The following CHST11 variants were observed in gnomAD, a reference collection of about 807,000 sequenced individuals.
CHST11 encodes C4S-1.
A neutral mutation model predicts 30.4 loss-of-function variants in CHST11; 9 were observed. That is an observed-to-expected ratio of 0.30 (90% CI 0.18 to 0.52). The LOEUF (loss-of-function observed/expected upper bound fraction) is 0.52, where lower values mean the gene tolerates loss of function less well. Among genes scored for constraint, CHST11 ranks in the 20% least tolerant of loss-of-function variants. The pLI is 0.97. For synonymous variants in CHST11, 152 were observed against 187.8 expected, an observed-to-expected ratio of 0.81 and a Z score of 1.56; for missense variants, 348 against 460.6, an observed-to-expected ratio of 0.76 and a Z score of 2.24.
intron 1 of CHST11, among the ~76,000 whole-genome samples, chr12:104,512,700 A>G (rs865902130): frequency 6.6e-6 from 1 of 152,168 alleles, no homozygotes; most frequent in Non-Finnish European, 1.5e-5. Flanking sequence ...GATGAAAAGT[A>G]TTTTTTAGGG....
At chr12:104,460,575 A>C (rs952420139) in intron 1 of CHST11, among the ~76,000 whole-genome samples, 57 of 151,892 alleles carry the variant, frequency 3.8e-4, no homozygotes, top group African/African-American at 1.4e-3. Context: ...GAGGCATGAG[A>C]ATAGCATGAA....
intron 1 of CHST11, among the ~76,000 whole-genome samples, chr12:104,568,828 A>C (rs1321766389): frequency 6.6e-6 from 1 of 152,206 alleles, no homozygotes; most frequent in Admixed American, 6.5e-5. Context: ...GTTCTTAACC[A>C]CTATTTTATA....
At chr12:104,593,932 G>C (rs1197641658) in intron 1 of CHST11, among the ~76,000 whole-genome samples, 1 of 152,168 alleles carries the variant, frequency 6.6e-6, no homozygotes, top group Non-Finnish European at 1.5e-5. Context: ...AAACCACTTT[G>C]AGGAAGCATT....
At chr12:104,560,332 T>G (rs1291671206) in intron 1 of CHST11, among the ~76,000 whole-genome samples, 1 of 152,200 alleles carries the variant, frequency 6.6e-6, no homozygotes, top group African/African-American at 2.4e-5. Flanking sequence ...TACCTTCTGC[T>G]CATAGATAGA....
chr12:104,750,464 CTG>C (rs2040422339), intron 2 of CHST11, among the ~76,000 whole-genome samples: 1 of 31,858 alleles, frequency 3.1e-5, no homozygotes, highest in Non-Finnish European at 5.9e-5. Flanking sequence ...TTTGTTGAGA[CTG>C]AGTCTCGCTC....
chr12:104,545,252 G>A (rs1157104365), intron 1 of CHST11, among the ~76,000 whole-genome samples: 6 of 152,222 alleles, frequency 3.9e-5, no homozygotes, highest in Admixed American at 3.3e-4. Flanking sequence ...GGAATGGCCC[G>A]TTTGAGGGTG....
intron 1 of CHST11, among the ~76,000 whole-genome samples, chr12:104,563,273 A>G (rs1758047173): frequency 1.3e-5 from 2 of 152,062 alleles, no homozygotes; most frequent in South Asian, 4.2e-4. Context: ...CCTGACCTCA[A>G]GTGATCCGCC....
At chr12:104,526,699 T>C (rs950815004) in intron 1 of CHST11, among the ~76,000 whole-genome samples, 1 of 152,184 alleles carries the variant, frequency 6.6e-6, no homozygotes, top group Non-Finnish European at 1.5e-5. Context: ...TTGTTTTTAT[T>C]TGTGCTCCTC....
chr12:104,559,685 G>T (rs150263351), intron 1 of CHST11, among the ~76,000 whole-genome samples: 2,258 of 152,308 alleles, frequency 0.015, 108 homozygotes, highest in East Asian at 0.14. Context: ...AGAGGTTGCA[G>T]TGAGCCAAGA....
At chr12:104,607,227 C>T (rs1386662427) in intron 2 of CHST11, among the ~76,000 whole-genome samples, 1 of 152,140 alleles carries the variant, frequency 6.6e-6, no homozygotes, top group East Asian at 1.9e-4. Context: ...TAGAGCATCG[C>T]ATCTTGGTGA....
At chr12:104,475,254 A>T (rs991298912) in intron 1 of CHST11, among the ~76,000 whole-genome samples, 1 of 152,200 alleles carries the variant, frequency 6.6e-6, no homozygotes, top group Non-Finnish European at 1.5e-5. Flanking sequence ...AAATCTAAAT[A>T]AGACTTAGTT....
intron 2 of CHST11, among the ~76,000 whole-genome samples, chr12:104,614,935 G>A (rs1017653336): frequency 3.3e-5 from 5 of 152,208 alleles, no homozygotes; most frequent in African/African-American, 1.2e-4. Flanking sequence ...CTTGGATAGA[G>A]AGGATAAGCA....
chr12:104,525,684 G>C (rs1159258886), intron 1 of CHST11, among the ~76,000 whole-genome samples: 1 of 152,150 alleles, frequency 6.6e-6, no homozygotes, highest in Non-Finnish European at 1.5e-5. Flanking sequence ...TATAGTAAGT[G>C]CTATTTTGAT....
intron 2 of CHST11, among the ~76,000 whole-genome samples, chr12:104,686,660 G>T: frequency 6.6e-6 from 1 of 152,224 alleles, no homozygotes; most frequent in Middle Eastern, 3.4e-3. Context: ...TTGTTTGTTT[G>T]GTTGGAGACG....
At chr12:104,715,566 G>A (rs2040124135) in intron 2 of CHST11, among the ~76,000 whole-genome samples, 1 of 152,200 alleles carries the variant, frequency 6.6e-6, no homozygotes, top group African/African-American at 2.4e-5. Context: ...CTTTATAGAT[G>A]TGCAAGTTTG....
At chr12:104,703,313 C>T (rs1284378328) in intron 2 of CHST11, among the ~76,000 whole-genome samples, 3 of 152,194 alleles carry the variant, frequency 2.0e-5, no homozygotes, top group Non-Finnish European at 4.4e-5. Flanking sequence ...CTTTATTTGG[C>T]GTTGCAAATT....
intron 2 of CHST11, among the ~76,000 whole-genome samples, chr12:104,697,870 G>A (rs774318945): frequency 6.6e-6 from 1 of 152,126 alleles, no homozygotes; most frequent in Non-Finnish European, 1.5e-5. Flanking sequence ...CAGTGGCATG[G>A]CATGTCAGCC....
At chr12:104,693,182 T>C (rs2039913836) in intron 2 of CHST11, among the ~76,000 whole-genome samples, 1 of 152,206 alleles carries the variant, frequency 6.6e-6, no homozygotes, top group Non-Finnish European at 1.5e-5. Context: ...AAAGAACTCA[T>C]TGTATCTTAA....
At chr12:104,725,123 C>A (rs1005946031) in intron 2 of CHST11, among the ~76,000 whole-genome samples, 4 of 152,164 alleles carry the variant, frequency 2.6e-5, no homozygotes, top group Non-Finnish European at 4.4e-5. Context: ...ACGTTCCCAG[C>A]TTTCTGACTC....
Sources: gnomAD v4.1 joint callset for allele counts (sites outside exome capture counted in the v4.1 genomes callset) on GRCh38, gnomAD v4.1.1 for gene constraint, MANE v1.5 for transcripts, NCBI Gene and HGNC (gene_info 2026-07-23, HGNC 2026-07-21) for gene names.